The following ABI1 variants were observed in gnomAD, a reference collection of about 807,000 sequenced individuals.
The protein encoded by ABI1 is Abelson interactor 1.
ABI1 carries 14 observed loss-of-function variants against 54.6 expected under a neutral mutation model. The observed-to-expected ratio is 0.26, with a 90% confidence interval of 0.17 to 0.40. ABI1 has a LOEUF of 0.40. Ranked by LOEUF, ABI1 falls within the 10% of genes least tolerant of loss-of-function variation. ABI1 has a pLI of 1.00. For missense variants in ABI1, 443 were observed against 598.3 expected, an observed-to-expected ratio of 0.74 and a Z score of 2.71; for synonymous variants, 194 against 209.3, an observed-to-expected ratio of 0.93 and a Z score of 0.63.
chr10:26,777,578 A>T (rs1841571565), intron 2 of ABI1, among the ~76,000 whole-genome samples: 1 of 152,104 alleles, frequency 6.6e-6, no homozygotes, highest in Non-Finnish European at 1.5e-5. Flanking sequence ...GGAGTTCAAG[A>T]TCAGCCTGGG....
chr10:26,832,887 G>A (rs2048778714), intron 1 of ABI1, among the ~76,000 whole-genome samples: 1 of 152,084 alleles, frequency 6.6e-6, no homozygotes, highest in Non-Finnish European at 1.5e-5. Context: ...ACAGAGTCAT[G>A]GGGACTAGGG....
chr10:26,778,858 G>A (rs78631682), intron 2 of ABI1, among the ~76,000 whole-genome samples: 2,351 of 152,296 alleles, frequency 0.015, 52 homozygotes, highest in African/African-American at 0.054. Context: ...TATAAAAGAT[G>A]TGGTCCCCTA....
intron 2 of ABI1, among the ~76,000 whole-genome samples, chr10:26,809,305 C>G (rs1301372359): frequency 6.6e-6 from 1 of 151,908 alleles, no homozygotes; most frequent in East Asian, 1.9e-4. Flanking sequence ...TCACAGTAAT[C>G]CCTACACTTT....
At chr10:26,768,785 T>C (rs1027911814) in intron 6 of ABI1, 67 bp downstream of exon 6, 18 of 1,434,680 alleles carry the variant, frequency 1.3e-5, no homozygotes, top group Non-Finnish European at 1.5e-5. Context: ...AGCACCTCCA[T>C]AGGAGTTTGT....
At position 26,860,912 on chromosome 10, in the gene ABI1, G is replaced by A. The variant is rs769434058; in HGVS notation, c.-49C>T. ...CTCTCGCGTTAAAGAGACAGAGGCA[G>A]CAAGGTCCGCCGAGGCTCCGAGCAC... On this transcript the variant is annotated 5_prime_UTR_variant, in exon 1 of 11. Transcript: ENST00000376140. This position sits in a 1 kb window ranked among gnomAD's most constrained non-coding sequence, Gnocchi z 4.1. The A allele has an allele frequency of 1.3e-6, 2 of 1,561,400 alleles. No individual in the cohort carries two copies. Among genetic ancestry groups the A allele is most frequent in the East Asian group, 2.2e-5 (1 of 44,600 alleles).
At chr10:26,776,685 T>C in intron 3 of ABI1, 1 of 159,542 alleles carries the variant, frequency 6.3e-6, no homozygotes, top group Non-Finnish European at 1.4e-5. Flanking sequence ...GGTATACAAA[T>C]ATATATACAT....
chr10:26,751,963 A>G (rs1338199943), intron 9 of ABI1, among the ~76,000 whole-genome samples, 180 bp from the exon 10 acceptor site: 1 of 152,200 alleles, frequency 6.6e-6, no homozygotes, highest in African/African-American at 2.4e-5. Context: ...ATTTAAAAAT[A>G]ACAAAATGAG....
chr10:26,770,455 GACAGTTTGAATAAAGACTTTGGTACT>G, intron 4 of ABI1, 110 bp from the exon 5 acceptor site: 2 of 1,115,096 alleles, frequency 1.8e-6, no homozygotes, highest in Non-Finnish European at 2.7e-6. Context: ...AGGATTCCCA[GACAGTTTGAATAAAGACTTTGGTACT>G]ACAGTTTAAA....
Position 26,824,111 on chromosome 10 carries a change from A to T in ABI1, c.118-806T>A, listed in dbSNP as rs577068152. ...CACAGAAAAAAAAAATGGAACAGAG[A>T]TCTAACAGAAAGCTCACCAAAAAAG... On this transcript the variant is annotated intron_variant, in intron 1 of 10. Transcript: ENST00000376140. 2.0e-5 allele frequency among the ~76,000 whole-genome samples: 3 copies of T among 152,320 alleles called. No homozygotes were observed. The South Asian group carries it at 6.2e-4, about 32-fold the overall frequency.
intron 1 of ABI1, among the ~76,000 whole-genome samples, chr10:26,827,801 C>T (rs1483573659): frequency 6.6e-6 from 1 of 152,230 alleles, no homozygotes; most frequent in East Asian, 1.9e-4. Flanking sequence ...CCATGCTGGC[C>T]AGGCTGGTCT....
intron 2 of ABI1, among the ~76,000 whole-genome samples, chr10:26,778,749 A>G (rs538077825): frequency 1.3e-5 from 2 of 152,342 alleles, no homozygotes; most frequent in South Asian, 4.1e-4. Flanking sequence ...AAACAGCCTT[A>G]GAAAATATAG....
At chr10:26,842,383 A>G (rs1255844709) in intron 1 of ABI1, among the ~76,000 whole-genome samples, 1 of 152,164 alleles carries the variant, frequency 6.6e-6, no homozygotes, top group Non-Finnish European at 1.5e-5. Context: ...AGGTTGTTAC[A>G]TTTTGTTGAT....
In ABI1 at chr10:26,765,338, CTG is replaced by C. The variant is rs903468856; in HGVS notation, c.720-22_720-21del. On this transcript the variant is annotated intron_variant, in intron 6 of 10. Coordinates refer to ENST00000376140, the MANE Select transcript of ABI1 (RefSeq NM_001012750.3). ...CTTCCACTGAAAAGAAAAAAAAAAA[CTG>C]TGAAAAACCAATTCTAGAGACATAT... is the stretch of plus-strand genomic sequence containing the variant. 5 of 1,481,636 alleles carry C rather than the reference CTG, an allele frequency of 3.4e-6. No homozygotes were observed. Among genetic ancestry groups the C allele is most frequent in the Non-Finnish European group, 4.6e-6 (5 of 1,092,452 alleles). The allele number at this position is 1,481,636 out of a possible 1,614,324, so 91.8% of individuals were successfully genotyped here.
intron 8 of ABI1, among the ~76,000 whole-genome samples, chr10:26,757,555 T>A (rs1838471880): frequency 6.6e-6 from 1 of 152,120 alleles, no homozygotes; most frequent in African/African-American, 2.4e-5. Context: ...TATTAGATAA[T>A]CTGGAATATT....
At chr10:26,823,093 G>A (rs752552289) in intron 2 of ABI1, 45 bp downstream of exon 2, 2 of 1,502,640 alleles carry the variant, frequency 1.3e-6, no homozygotes, top group Middle Eastern at 1.7e-4. Context: ...GGCATATGCT[G>A]TAGTTTTTTT....
At chr10:26,754,173 C>A (rs1408942804) in intron 9 of ABI1, among the ~76,000 whole-genome samples, 2 of 152,084 alleles carry the variant, frequency 1.3e-5, no homozygotes, top group African/African-American at 4.8e-5. Flanking sequence ...TTTTTGCACT[C>A]TATTTATTTT....
chr10:26,833,452 ATAC>A (rs1182083856), intron 1 of ABI1, among the ~76,000 whole-genome samples: 7 of 152,194 alleles, frequency 4.6e-5, no homozygotes, highest in Admixed American at 6.5e-5. Flanking sequence ...ATCCTACACC[ATAC>A]TACAAGGCTT....
At position 26,751,746 on chromosome 10, in the gene ABI1, T is replaced by C; in HGVS notation, c.1122A>G (p.Pro374=). ...AGTCATCAAACATGGGAATGTCATC[T>C]GGTGGAGGTGGTGGCGGTGGAGTTG... ...DSPTPPPPPP[P]DDIPMFDDSP... is the part of the protein sequence containing the mutation. The change falls in exon 10 of 11, where the codon CCA becomes CCG. Residue 374 remains proline (P), a synonymous_variant. Coordinates refer to ENST00000376140, the MANE Select transcript of ABI1 (RefSeq NM_001012750.3). The C allele has an allele frequency of 6.2e-7, 1 of 1,613,318 alleles. No individual in the cohort carries two copies.
chr10:26,788,679 G>A (rs570071272), intron 2 of ABI1, among the ~76,000 whole-genome samples: 35 of 152,140 alleles, frequency 2.3e-4, no homozygotes, highest in African/African-American at 4.6e-4. Flanking sequence ...TTGGGACGCC[G>A]AGGTGGGCGG....
Sources: gnomAD v4.1 joint callset for allele counts (sites outside exome capture counted in the v4.1 genomes callset) on GRCh38, gnomAD v4.1.1 for gene constraint, Gnocchi (gnomAD v3.1) non-coding constraint, MANE v1.5 for transcripts, NCBI Gene and HGNC (gene_info 2026-07-23, HGNC 2026-07-21) for gene names.